The following NRG1 variants were observed in gnomAD, a reference collection of about 807,000 sequenced individuals.
NRG1 encodes pro-neuregulin-1, membrane-bound isoform.
A neutral mutation model predicts 63.8 loss-of-function variants in NRG1; 18 were observed. That is an observed-to-expected ratio of 0.28 (90% CI 0.19 to 0.42). The LOEUF is 0.42. Among genes scored for constraint, NRG1 ranks in the 10% least tolerant of loss-of-function variants. The probability of loss-of-function intolerance (pLI) is 1.00; values close to 1 mark genes in which losing one functional copy is unlikely to be tolerated. For missense variants in NRG1, 762 were observed against 814.7 expected (o/e 0.94, Z 0.79); for synonymous variants, 302 against 301.3 (o/e 1.00, Z -0.02).
At chr8:31,740,721 TG>T (rs1209986319) in intron 1 of NRG1, among the ~76,000 whole-genome samples, 3 of 151,750 alleles carry the variant, frequency 2.0e-5, no homozygotes, top group African/African-American at 7.3e-5. Context: ...ACAAAGTCTC[TG>T]ATGTTAACAA....
intron 1 of NRG1, among the ~76,000 whole-genome samples, chr8:31,817,771 A>C (rs1823596873): frequency 6.6e-6 from 1 of 152,250 alleles, no homozygotes; most frequent in African/African-American, 2.4e-5. Flanking sequence ...GTTATATGGA[A>C]ATGTGACATG....
At chr8:32,735,423 GA>G (rs2129028655) in intron 6 of NRG1, among the ~76,000 whole-genome samples, 1 of 152,204 alleles carries the variant, frequency 6.6e-6, no homozygotes, top group African/African-American at 2.4e-5. Flanking sequence ...CAATTTACAG[GA>G]AAACGAATAC....
chr8:31,715,130 A>G (rs1488616556), intron 1 of NRG1, among the ~76,000 whole-genome samples: 2 of 152,278 alleles, frequency 1.3e-5, no homozygotes, highest in East Asian at 3.9e-4. Context: ...GATCTATTTA[A>G]TATAAAGCTT....
intron 1 of NRG1, among the ~76,000 whole-genome samples, chr8:31,788,620 G>T (rs1167214873): frequency 1.3e-5 from 2 of 152,106 alleles, no homozygotes; most frequent in Non-Finnish European, 1.5e-5. Flanking sequence ...AGGACACACT[G>T]GGGATATTTT....
At chr8:31,692,497 GA>G (rs1213569412) in intron 1 of NRG1, among the ~76,000 whole-genome samples, 1 of 152,144 alleles carries the variant, frequency 6.6e-6, no homozygotes, top group Non-Finnish European at 1.5e-5. Context: ...GTTTAGTTGA[GA>G]AAATATAAGA....
At chr8:32,426,300 T>A (rs1244970146) in intron 1 of NRG1, among the ~76,000 whole-genome samples, 1 of 152,180 alleles carries the variant, frequency 6.6e-6, no homozygotes, top group Non-Finnish European at 1.5e-5. Flanking sequence ...CATCAATGTA[T>A]GAATAAAGTG....
At chr8:32,286,840 T>A (rs529943921) in intron 1 of NRG1, among the ~76,000 whole-genome samples, 1 of 151,938 alleles carries the variant, frequency 6.6e-6, no homozygotes, top group African/African-American at 2.4e-5. Flanking sequence ...GTACTAAAAA[T>A]ACAAAAATTA....
intron 1 of NRG1, among the ~76,000 whole-genome samples, chr8:32,377,954 A>G (rs1024449306): frequency 5.3e-5 from 8 of 152,208 alleles, no homozygotes; most frequent in Non-Finnish European, 1.0e-4. Flanking sequence ...AACTAATGAT[A>G]GAATCAGATT....
At chr8:32,300,130 A>G (rs542544960) in intron 1 of NRG1, among the ~76,000 whole-genome samples, 68 of 152,286 alleles carry the variant, frequency 4.5e-4, no homozygotes, top group Admixed American at 1.8e-3. Flanking sequence ...TTTCACCCAG[A>G]ACCCTCATGT....
At chr8:32,397,348 G>T (rs547549381) in intron 1 of NRG1, among the ~76,000 whole-genome samples, 1 of 151,998 alleles carries the variant, frequency 6.6e-6, no homozygotes. Context: ...TATTTCATGA[G>T]GTTATTGGGA....
chr8:32,233,549 A>G (rs1563934278), intron 1 of NRG1, among the ~76,000 whole-genome samples: 1 of 71,524 alleles, frequency 1.4e-5, no homozygotes, highest in African/African-American at 5.6e-5. Flanking sequence ...ATATATATAT[A>G]TATATATATA....
Position 32,330,777 on chromosome 8 carries a change from C to T in NRG1, c.38-265051C>T, listed in dbSNP as rs113318406. On this transcript the variant is annotated intron_variant, in intron 1 of 10. Coordinates refer to the NRG1 transcript ENST00000519301. Reference sequence around the variant, plus strand: ...TCCCCTTAAGGCTGGATCTGGGCCACGGACCATGGCACTCACTGCCATATT... The same window carrying T: ...TCCCCTTAAGGCTGGATCTGGGCCATGGACCATGGCACTCACTGCCATATT... 1.3e-3 allele frequency among the ~76,000 whole-genome samples: 193 copies of T among 152,272 alleles called. 2 individuals are homozygous for T. The highest frequency in any genetic ancestry group is 4.2e-3 in the African/African-American group (176 of 41,560).
At chr8:32,460,674 G>A (rs1822196410) in intron 1 of NRG1, among the ~76,000 whole-genome samples, 1 of 152,132 alleles carries the variant, frequency 6.6e-6, no homozygotes, top group Non-Finnish European at 1.5e-5. Flanking sequence ...AAAAAACCCA[G>A]ACAACAACAA....
intron 1 of NRG1, among the ~76,000 whole-genome samples, chr8:31,709,219 T>C (rs1811491915): frequency 6.6e-6 from 1 of 151,350 alleles, no homozygotes; most frequent in Non-Finnish European, 1.5e-5. Context: ...TTTTTTTTGG[T>C]CAAAAACCTT....
At chr8:32,090,173 A>T (rs1274034299) in intron 1 of NRG1, among the ~76,000 whole-genome samples, 2 of 152,222 alleles carry the variant, frequency 1.3e-5, no homozygotes, top group Non-Finnish European at 2.9e-5. Context: ...TGAAATGCTG[A>T]TAGAATCATA....
At chr8:31,805,682 G>T (rs1426455891) in intron 1 of NRG1, among the ~76,000 whole-genome samples, 1 of 151,850 alleles carries the variant, frequency 6.6e-6, no homozygotes. Flanking sequence ...CAAAAAGTTA[G>T]CCAGGTGTGG....
chr8:32,188,454 C>T (rs975685723), intron 1 of NRG1, among the ~76,000 whole-genome samples: 1 of 152,142 alleles, frequency 6.6e-6, no homozygotes, highest in Non-Finnish European at 1.5e-5. Flanking sequence ...ATGTCCATGG[C>T]CTAATCTCCA....
At chr8:32,203,531 T>C (rs1563905348) in intron 1 of NRG1, among the ~76,000 whole-genome samples, 1 of 151,922 alleles carries the variant, frequency 6.6e-6, no homozygotes, top group Non-Finnish European at 1.5e-5. Context: ...CAGCTAACTT[T>C]TTTTATTTTT....
chr8:32,200,268 G>A (rs1033315644), intron 1 of NRG1, among the ~76,000 whole-genome samples: 15 of 152,088 alleles, frequency 9.9e-5, no homozygotes, highest in South Asian at 4.1e-4. Flanking sequence ...TCTAGAAACC[G>A]CCTCAACTTT....
Sources: allele counts gnomAD v4.1 joint callset (sites outside exome capture counted in the v4.1 genomes callset), GRCh38; gene constraint gnomAD v4.1.1; transcripts MANE v1.5; gene names NCBI Gene and HGNC (gene_info 2026-07-23, HGNC 2026-07-21).